Variants in FRMPD1 observed in about 807,000 individuals in gnomAD.
FRMPD1 encodes the protein FERM and PDZ domain containing 1, also known as FERM and PDZ domain-containing protein 1.
Under a neutral mutation model 117.8 loss-of-function variants are expected in FRMPD1, and 76 were observed. That is an observed-to-expected ratio of 0.65 (90% CI 0.54 to 0.78). FRMPD1 has a LOEUF of 0.78. Among genes scored for constraint, FRMPD1 ranks in the 30% least tolerant of loss-of-function variants. FRMPD1 has a pLI of 0.00. For missense variants in FRMPD1, 1,786 were observed against 1,964.5 expected (o/e 0.91, Z 1.72); for synonymous variants, 783 against 770.4 (o/e 1.02, Z -0.27).
chr9:37,709,634 A>T (rs896058391), intron 4 of FRMPD1, among the ~76,000 whole-genome samples: 1 of 152,200 alleles, frequency 6.6e-6, no homozygotes, highest in Non-Finnish European at 1.5e-5. Context: ...ACTTGGGCAG[A>T]AGTTGTAGGC....
At chr9:37,724,115 A>T in intron 6 of FRMPD1, 110 bp from the exon 7 acceptor site, 1 of 511,316 alleles carries the variant, frequency 2.0e-6, no homozygotes. Context: ...TCAGAGGTTG[A>T]GTGAGCCGAG....
chr9:37,616,398 T>C, the FRMPD1 span, among the ~76,000 whole-genome samples: 1 of 152,192 alleles, frequency 6.6e-6, no homozygotes, highest in Non-Finnish European at 1.5e-5. Context: ...ATTACAGGCA[T>C]GAGCCACTGC....
the FRMPD1 span, among the ~76,000 whole-genome samples, chr9:37,603,429 C>T: frequency 3.3e-5 from 5 of 152,074 alleles, no homozygotes; most frequent in South Asian, 2.1e-4. Context: ...GCCAAAAAAA[C>T]GAGTTAGGTC....
chr9:37,722,097 C>T (rs1038734042), intron 6 of FRMPD1, among the ~76,000 whole-genome samples: 3 of 152,180 alleles, frequency 2.0e-5, no homozygotes, highest in African/African-American at 7.2e-5. Flanking sequence ...CACTCAGAGC[C>T]AGAGAAGTAA....
chr9:37,721,558 G>T (rs1166724017), intron 6 of FRMPD1, among the ~76,000 whole-genome samples: 1 of 152,084 alleles, frequency 6.6e-6, no homozygotes, highest in African/African-American at 2.4e-5. Context: ...CACTACTGAT[G>T]GCTTTATAAA....
chr9:37,723,830 T>TA lies in FRMPD1; in HGVS notation c.517-385dup, dbSNP rs1265268319. Among the ~76,000 whole-genome samples the TA allele has an allele frequency of 7.3e-3, 1,080 of 147,146 alleles. 14 individuals carry two copies. Among genetic ancestry groups the TA allele is most frequent in the African/African-American group, 0.026 (1,029 of 40,226 alleles). ...CAACATGGTGAAACCCCATCTCTAC[T>TA]AAAAAAAAAATACAAAAATTAGCTG... is the stretch of plus-strand genomic sequence containing the variant. On this transcript the variant is annotated intron_variant, in intron 6 of 15. Transcript: ENST00000377765.
rs117372585 is a variant in FRMPD1 at position 37,683,601 on chromosome 9, G to A, written c.-4-9037G>A. On this transcript the variant is annotated intron_variant, in intron 1 of 15. Transcript: ENST00000377765. ...GAACAGTATCTGCAGAGACACGAGG[G>A]CATGAGAAACCAAAGCCTTTGGGGG... 7.4e-3 allele frequency among the ~76,000 whole-genome samples: 1,132 copies of A among 152,356 alleles called. 10 individuals carry two copies. Among genetic ancestry groups the A allele is most frequent in the Middle Eastern group, 0.017 (5 of 294 alleles).
At chr9:37,732,239 G>T in intron 9 of FRMPD1, 65 bp from the exon 10 acceptor site, 1 of 1,562,188 alleles carries the variant, frequency 6.4e-7, no homozygotes. Context: ...CCTTTCACCC[G>T]AGAGAACGAG....
chr9:37,740,131 G>A lies in FRMPD1; in HGVS notation c.1603G>A (p.Val535Ile), dbSNP rs372056992. 6.0e-5 allele frequency: 97 copies of A among 1,613,720 alleles called. No homozygotes were observed. Among genetic ancestry groups the A allele is most frequent in the African/African-American group, 2.1e-4 (16 of 75,014 alleles). The stretch of plus-strand genomic sequence containing the variant: ...AGAGGAGTCCTCTGAGGTGGACTGC[G>A]TACTCGAACCTCTCTCTGACAGGCG... ...DSEESSEVDC[V>I]LEPLSDRRLV... Residue 535 changes from valine to isoleucine, a missense_variant, in exon 15 of 16, where the codon GTA becomes ATA. Physicochemically the swap from Val to Ile is conservative, Grantham distance 29. Coordinates refer to ENST00000377765, the MANE Select transcript of FRMPD1 (RefSeq NM_014907.3). The surrounding 1 kb of genome is among the most constrained non-coding windows in gnomAD (Gnocchi z 4.2).
chr9:37,677,745 A>G (rs1296212529), intron 1 of FRMPD1, among the ~76,000 whole-genome samples: 1 of 152,232 alleles, frequency 6.6e-6, no homozygotes, highest in African/African-American at 2.4e-5. Flanking sequence ...CGTGACCACC[A>G]AACAAGATCA....
chr9:37,685,111 A>G (rs548103128), intron 1 of FRMPD1, among the ~76,000 whole-genome samples: 2 of 152,318 alleles, frequency 1.3e-5, no homozygotes, highest in East Asian at 3.9e-4. Flanking sequence ...TACATCTCCC[A>G]GAGAGAAAGA....
chr9:37,636,768 C>T, the FRMPD1 span: 107 of 1,606,850 alleles, frequency 6.7e-5, no homozygotes, highest in Non-Finnish European at 8.7e-5. Context: ...GAGGCTGCTC[C>T]GGGCCCCATC....
At chr9:37,698,311 AT>A (rs956989069) in intron 2 of FRMPD1, among the ~76,000 whole-genome samples, 1 of 151,936 alleles carries the variant, frequency 6.6e-6, no homozygotes, top group Non-Finnish European at 1.5e-5. Context: ...ATCTAACTGG[AT>A]TTTTTTTCCA....
At chr9:37,717,369 G>GTGTGTGTATATA (rs1407798527) in intron 5 of FRMPD1, among the ~76,000 whole-genome samples, 42 of 94,128 alleles carry the variant, frequency 4.5e-4, no homozygotes, top group Non-Finnish European at 7.0e-4. Flanking sequence ...GTGTGTGTGT[G>GTGTGTGTATATA]TATATATATA....
Position 37,746,131 on chromosome 9 carries a change from A to G in FRMPD1, c.4099A>G (p.Thr1367Ala). 1 of 1,613,762 alleles carries G rather than the reference A, an allele frequency of 6.2e-7. No homozygotes were observed. The highest frequency in any genetic ancestry group is 8.5e-7 in the Non-Finnish European group (1 of 1,179,980). Residue 1367 changes from threonine to alanine, a missense_variant, in exon 16 of 16, where the codon ACC (threonine) becomes GCC (alanine). By Grantham distance (58) the Thr-to-Ala change is moderately conservative. Coordinates refer to ENST00000377765, the MANE Select transcript of FRMPD1 (RefSeq NM_014907.3). ...DLEAHPMAPL[T>A]SPPSAGSPVV... is the part of the protein sequence containing the mutation. ...GGAAGCACACCCCATGGCCCCCCTC[A>G]CCTCACCGCCCTCTGCGGGAAGCCC...
the FRMPD1 span, among the ~76,000 whole-genome samples, chr9:37,629,936 C>T: frequency 6.6e-6 from 1 of 152,136 alleles, no homozygotes; most frequent in East Asian, 1.9e-4. Flanking sequence ...AGTTCAATAT[C>T]AGGGTGTCAT....
chr9:37,619,126 C>T, the FRMPD1 span, among the ~76,000 whole-genome samples: 3 of 152,344 alleles, frequency 2.0e-5, no homozygotes, highest in African/African-American at 7.2e-5. Flanking sequence ...TATGACAGAG[C>T]TCTAAAGTGG....
chr9:37,745,097 CA>C lies in FRMPD1; in HGVS notation c.3066del (p.Asp1023ThrfsTer11). 6.2e-7 allele frequency: 1 copy of C among 1,614,104 alleles called. No individual in the cohort carries two copies. Among genetic ancestry groups the C allele is most frequent in the Non-Finnish European group, 8.5e-7 (1 of 1,180,002 alleles). ...SFSLSSGDPN[P>X]DRACLASNPG... is the part of the protein sequence containing the mutation. ...TCCCTCTCCAGTGGTGACCCTAACC[CA>C]GACAGAGCCTGCCTGGCCAGCAACC... On this transcript the variant is annotated frameshift_variant, in exon 16 of 16. Transcript: ENST00000377765. LOFTEE classifies it low-confidence loss of function (END_TRUNC).
chr9:37,724,652 G>A (rs992787291), intron 7 of FRMPD1, among the ~76,000 whole-genome samples: 10 of 152,156 alleles, frequency 6.6e-5, no homozygotes, highest in Non-Finnish European at 1.3e-4. Flanking sequence ...GACTCTACCT[G>A]CTACGCCAAA....
Sources: allele counts gnomAD v4.1 joint callset (sites outside exome capture counted in the v4.1 genomes callset), GRCh38; gene constraint gnomAD v4.1.1; non-coding constraint Gnocchi (gnomAD v3.1); transcripts MANE v1.5; gene names NCBI Gene and HGNC (gene_info 2026-07-23, HGNC 2026-07-21).